The following EPB41L5 variants were observed in gnomAD, a reference collection of about 807,000 sequenced individuals.
The protein encoded by EPB41L5 is erythrocyte membrane protein band 4.1 like 5.
In EPB41L5, 55 loss-of-function variants were observed where a neutral mutation model predicts 106.6. The ratio of observed to expected loss-of-function variants is 0.52; its 90% CI spans 0.42 to 0.65. EPB41L5 has a LOEUF of 0.65. EPB41L5 is among the 30% of genes least tolerant of loss of function. The pLI, the probability that EPB41L5 is intolerant of heterozygous loss-of-function variation, is 0.00. For synonymous variants in EPB41L5, 297 were observed against 306.7 expected, an observed-to-expected ratio of 0.97 and a Z score of 0.33; for missense variants, 871 against 882.1, an observed-to-expected ratio of 0.99 and a Z score of 0.16.
chr2:120,075,620 T>C, intron 6 of EPB41L5, 81 bp from the exon 7 acceptor site: 1 of 1,428,416 alleles, frequency 7.0e-7, no homozygotes, highest in Non-Finnish European at 9.9e-7. Context: ...ATGGTCAACA[T>C]AAAACATGTA....
intron 1 of EPB41L5, 122 bp from the exon 2 acceptor site, chr2:120,018,955 T>C: frequency 1.1e-6 from 1 of 879,150 alleles, no homozygotes; most frequent in Non-Finnish European, 1.7e-6. Flanking sequence ...CCAGGTGTCC[T>C]TTTTAGTAGC....
intron 3 of EPB41L5, among the ~76,000 whole-genome samples, chr2:120,059,629 G>A (rs1435328118): frequency 6.6e-6 from 1 of 152,254 alleles, no homozygotes; most frequent in Middle Eastern, 3.4e-3. Context: ...CTAGCTGGGC[G>A]CAGTGGCTCA....
chr2:120,130,744 C>T (rs1218152950), intron 17 of EPB41L5, among the ~76,000 whole-genome samples: 1 of 152,200 alleles, frequency 6.6e-6, no homozygotes, highest in East Asian at 1.9e-4. Flanking sequence ...TGGGAATGAG[C>T]GTTTCTTGAA....
At chr2:120,047,267 A>T (rs1238930298) in intron 3 of EPB41L5, among the ~76,000 whole-genome samples, 1 of 152,186 alleles carries the variant, frequency 6.6e-6, no homozygotes. Context: ...GGCTATTTTC[A>T]CGATATTGAT....
chr2:120,089,545 A>ACATT (rs1427173212), intron 11 of EPB41L5, among the ~76,000 whole-genome samples: 12 of 152,294 alleles, frequency 7.9e-5, no homozygotes, highest in Non-Finnish European at 1.5e-4. Flanking sequence ...AAACAATAGC[A>ACATT]CATTCATTCA....
At chr2:120,146,910 CAT>C (rs1433993400) in intron 20 of EPB41L5, among the ~76,000 whole-genome samples, 1 of 152,136 alleles carries the variant, frequency 6.6e-6, no homozygotes, top group Non-Finnish European at 1.5e-5. Context: ...TGTGATTAAT[CAT>C]ATTCAGTTCC....
intron 7 of EPB41L5, among the ~76,000 whole-genome samples, chr2:120,076,563 G>A (rs940591228): frequency 3.7e-5 from 5 of 133,984 alleles, no homozygotes; most frequent in Non-Finnish European, 7.7e-5. Context: ...CCCTCCCAAA[G>A]TACTGTGACT....
chr2:120,052,819 A>C (rs928625000), intron 3 of EPB41L5, among the ~76,000 whole-genome samples: 4 of 152,148 alleles, frequency 2.6e-5, no homozygotes, highest in South Asian at 2.1e-4. Context: ...ATTTCTCCAT[A>C]TCTCTCTCTC....
chr2:120,034,279 T>C (rs900226082), intron 2 of EPB41L5, among the ~76,000 whole-genome samples: 2 of 152,206 alleles, frequency 1.3e-5, no homozygotes, highest in African/African-American at 4.8e-5. Flanking sequence ...ACACAACTGT[T>C]GTATTTCAAT....
intron 24 of EPB41L5, among the ~76,000 whole-genome samples, chr2:120,168,295 C>G (rs936361382): frequency 6.6e-6 from 1 of 152,052 alleles, no homozygotes; most frequent in Non-Finnish European, 1.5e-5. Flanking sequence ...TTTCCCTTTA[C>G]GCTTTACTAT....
In EPB41L5 at chr2:120,165,376, A is replaced by T. The variant is rs1248272161; in HGVS notation, c.1962+466A>T. 2.0e-5 allele frequency among the ~76,000 whole-genome samples: 3 copies of T among 152,168 alleles called. No homozygotes were observed. The South Asian group carries it at 6.2e-4, about 32-fold the overall frequency. ...CAAAATCCATGCATGCTTAAATCTC[A>T]TATAAAATGGTGTAGTGTTTGCATA... On this transcript the variant is annotated intron_variant, in intron 22 of 24. Coordinates refer to ENST00000263713, the MANE Select transcript of EPB41L5 (RefSeq NM_020909.4).
intron 2 of EPB41L5, among the ~76,000 whole-genome samples, chr2:120,032,394 A>G (rs1291303317): frequency 6.6e-6 from 1 of 152,212 alleles, no homozygotes; most frequent in Non-Finnish European, 1.5e-5. Flanking sequence ...CAAACAAAAA[A>G]GCTGAAATGA....
Position 120,178,332 on chromosome 2 carries a change from C to G in EPB41L5, c.*3425C>G, listed in dbSNP as rs1687988771. The G allele has an allele frequency of 6.6e-6, 1 of 152,292 alleles. No homozygotes were observed. Among genetic ancestry groups the G allele is most frequent in the African/African-American group, 2.4e-5 (1 of 41,452 alleles). The allele number at this position is 152,292 out of a possible 1,614,324, so 9.4% of individuals were successfully genotyped here. On this transcript the variant is annotated 3_prime_UTR_variant, in exon 25 of 25. Transcript: ENST00000263713. ...ATTGCATCCTTATTCACACATGTGGCAGCTGAACGAGGTGCTGTTGTGGGT... is the reference window on the plus strand; with the variant it reads ...ATTGCATCCTTATTCACACATGTGGGAGCTGAACGAGGTGCTGTTGTGGGT...
intron 3 of EPB41L5, among the ~76,000 whole-genome samples, chr2:120,047,902 G>T (rs191776910): frequency 3.9e-5 from 6 of 152,304 alleles, no homozygotes; most frequent in Admixed American, 3.3e-4. Context: ...GGCCTTTTCT[G>T]CATCTATTGA....
chr2:120,107,199 A>T (rs1270006541), intron 16 of EPB41L5, among the ~76,000 whole-genome samples: 1 of 152,102 alleles, frequency 6.6e-6, no homozygotes, highest in Non-Finnish European at 1.5e-5. Context: ...ATCGTGCCCC[A>T]GTGGTGGGAG....
intron 1 of EPB41L5, 89 bp from the exon 2 acceptor site, chr2:120,018,988 C>A: frequency 1.7e-6 from 2 of 1,169,918 alleles, no homozygotes; most frequent in Non-Finnish European, 2.4e-6. Flanking sequence ...GTTCACAGGA[C>A]TTGACTAAAT....
intron 4 of EPB41L5, among the ~76,000 whole-genome samples, chr2:120,073,729 GT>G (rs1426432933): frequency 3.9e-5 from 6 of 152,124 alleles, no homozygotes; most frequent in African/African-American, 1.4e-4. Context: ...GATTATAGAA[GT>G]TAGTGAACTT....
intron 3 of EPB41L5, among the ~76,000 whole-genome samples, chr2:120,048,267 C>T (rs549590068): frequency 3.3e-5 from 5 of 152,196 alleles, no homozygotes; most frequent in Admixed American, 6.5e-5. Flanking sequence ...TGGTAGAATT[C>T]GGCTGTGAAT....
At chr2:120,163,960 T>TTTGTA in intron 21 of EPB41L5, among the ~76,000 whole-genome samples, 1 of 131,884 alleles carries the variant, frequency 7.6e-6, no homozygotes, top group South Asian at 2.3e-4. Context: ...AAACAACTTT[T>TTTGTA]TTTTATTTTT....
Sources: allele counts gnomAD v4.1 joint callset (sites outside exome capture counted in the v4.1 genomes callset), GRCh38; gene constraint gnomAD v4.1.1; transcripts MANE v1.5; gene names NCBI Gene and HGNC (gene_info 2026-07-23, HGNC 2026-07-21).